PHF5A: variants seen among roughly 807,000 people sequenced by gnomAD.
PHF5A encodes PHD finger-like domain-containing protein 5A.
For synonymous variants in PHF5A, 52 were observed against 46.0 expected (o/e 1.13, Z -0.52); for missense variants, 24 against 140.6 (o/e 0.17, Z 4.19).
At chr22:41,467,391 T>A in intron 3 of PHF5A, 57 bp downstream of exon 3, 2 of 1,547,100 alleles carry the variant, frequency 1.3e-6, no homozygotes, top group East Asian at 2.3e-5. Context: ...TTGCAGTGGA[T>A]GGCAAAGTGT....
At chr22:41,463,149 G>A (rs2037838685) in intron 3 of PHF5A, among the ~76,000 whole-genome samples, 6 of 151,958 alleles carry the variant, frequency 3.9e-5, no homozygotes, top group Non-Finnish European at 8.8e-5. Context: ...TGGGATTACA[G>A]GCGTGAGCCA....
At chr22:41,463,359 G>A (rs941173393) in intron 3 of PHF5A, among the ~76,000 whole-genome samples, 1 of 151,440 alleles carries the variant, frequency 6.6e-6, no homozygotes, top group African/African-American at 2.4e-5. Context: ...GGAAAGCCGA[G>A]GCAGGCAGAT....
At chr22:41,465,943 G>A (rs1357746334) in intron 3 of PHF5A, among the ~76,000 whole-genome samples, 2 of 152,046 alleles carry the variant, frequency 1.3e-5, no homozygotes, top group Non-Finnish European at 2.9e-5. Flanking sequence ...ACACTACAAG[G>A]TTTAGTTGAA....
chr22:41,462,701 C>T (rs972915267), intron 3 of PHF5A, among the ~76,000 whole-genome samples: 11 of 152,192 alleles, frequency 7.2e-5, no homozygotes, highest in Admixed American at 7.2e-4. Flanking sequence ...CAAATGTGGG[C>T]AAGTTGCTTC....
rs1373171714 is a variant in PHF5A, at chr22:41,460,234, C to T, written c.*164G>A. 7 of 569,596 alleles carry T rather than the reference C, an allele frequency of 1.2e-5. No individual in the cohort carries two copies. Among genetic ancestry groups the T allele is most frequent in the East Asian group, 5.4e-5 (2 of 37,280 alleles). 35.3% of individuals were successfully genotyped at this position (569,596 alleles called of 1,614,324 possible). On this transcript the variant is annotated 3_prime_UTR_variant, in exon 4 of 4. Transcript: ENST00000216252. The stretch of plus-strand genomic sequence containing the variant: ...GAAGAATCCTTTTCCATCCCTACCA[C>T]GTGTCTGGGTGAAGGGAGAGGAGGG...
chr22:41,460,513 T>G, intron 3 of PHF5A, 26 bp from the exon 4 acceptor site: 1 of 1,568,918 alleles, frequency 6.4e-7, no homozygotes, highest in Non-Finnish European at 8.7e-7. Context: ...GAGAAGTTGT[T>G]AAGTCTTTGA....
intron 2 of PHF5A, chr22:41,467,884 G>C (rs2037883426): frequency 1.6e-6 from 1 of 608,766 alleles, no homozygotes; most frequent in Non-Finnish European, 2.9e-6. Flanking sequence ...GCAAAGTGCT[G>C]TGTGTTGGGG....
chr22:41,462,935 G>A (rs145423260), intron 3 of PHF5A, among the ~76,000 whole-genome samples: 1,764 of 150,714 alleles, frequency 0.012, 38 homozygotes, highest in African/African-American at 0.041. Flanking sequence ...GTGCAGTGGC[G>A]CTATCTGGGC....
intron 3 of PHF5A, among the ~76,000 whole-genome samples, chr22:41,461,154 C>G (rs1027384218): frequency 6.6e-6 from 1 of 151,980 alleles, no homozygotes; most frequent in East Asian, 1.9e-4. Flanking sequence ...GCCTGGGTAA[C>G]AAGAGAGAAA....
At chr22:41,463,704 G>A (rs942359255) in intron 3 of PHF5A, among the ~76,000 whole-genome samples, 7 of 110,464 alleles carry the variant, frequency 6.3e-5, no homozygotes, top group Non-Finnish European at 1.0e-4. Flanking sequence ...CATCCTGGGA[G>A]ACACAGTAAG....
chr22:41,466,521 A>G (rs1458949926), intron 3 of PHF5A, among the ~76,000 whole-genome samples: 1 of 152,158 alleles, frequency 6.6e-6, no homozygotes, highest in Non-Finnish European at 1.5e-5. Context: ...CTATGACACA[A>G]CATGGGCTGT....
intron 3 of PHF5A, among the ~76,000 whole-genome samples, chr22:41,465,691 C>A (rs2037861047): frequency 6.6e-6 from 1 of 152,012 alleles, no homozygotes; most frequent in Admixed American, 6.6e-5. Context: ...TCCAACCTGG[C>A]CAGCATAGTG....
chr22:41,460,542 T>G, intron 3 of PHF5A, 55 bp from the exon 4 acceptor site: 1 of 1,452,630 alleles, frequency 6.9e-7, no homozygotes, highest in Middle Eastern at 1.8e-4. Context: ...CAAGAGTGAC[T>G]TAAGATAAAA....
chr22:41,466,911 AG>A (rs2037870306), intron 3 of PHF5A, among the ~76,000 whole-genome samples: 1 of 151,814 alleles, frequency 6.6e-6, no homozygotes, highest in Admixed American at 6.6e-5. Context: ...GTTTGAGCCC[AG>A]GGGGTCAAGG....
intron 3 of PHF5A, among the ~76,000 whole-genome samples, chr22:41,463,633 A>C (rs2037843458): frequency 6.7e-6 from 1 of 149,884 alleles, no homozygotes; most frequent in Non-Finnish European, 1.5e-5. Flanking sequence ...GCTGAGACGG[A>C]AGAATTGCTT....
At chr22:41,463,945 T>C (rs114780527) in intron 3 of PHF5A, among the ~76,000 whole-genome samples, 2,504 of 152,152 alleles carry the variant, frequency 0.016, 63 homozygotes, top group African/African-American at 0.057. Flanking sequence ...GTCTGTCACT[T>C]ATTAGCCACG....
At chr22:41,462,761 G>A (rs540957958) in intron 3 of PHF5A, among the ~76,000 whole-genome samples, 3 of 152,122 alleles carry the variant, frequency 2.0e-5, no homozygotes, top group Non-Finnish European at 2.9e-5. Flanking sequence ...GACTGGATCA[G>A]GTCAAGGTTT....
intron 3 of PHF5A, among the ~76,000 whole-genome samples, chr22:41,464,860 C>T (rs79009): frequency 6.6e-6 from 1 of 152,102 alleles, no homozygotes; most frequent in Non-Finnish European, 1.5e-5. Context: ...GTGCTAGACA[C>T]CCTACAGGGG....
chr22:41,467,125 C>A (rs1013298730), intron 3 of PHF5A, among the ~76,000 whole-genome samples: 1 of 151,832 alleles, frequency 6.6e-6, no homozygotes, highest in African/African-American at 2.4e-5. Flanking sequence ...CTTGGACTCC[C>A]AAAGTGCTGA....
Sources: allele counts gnomAD v4.1 joint callset (sites outside exome capture counted in the v4.1 genomes callset), GRCh38; gene constraint gnomAD v4.1.1; transcripts MANE v1.5; gene names NCBI Gene and HGNC (gene_info 2026-07-23, HGNC 2026-07-21).